The following OR10D3 variants were observed in gnomAD, a reference collection of about 807,000 sequenced individuals.
The protein encoded by OR10D3 is olfactory receptor 10D3.
For missense variants in OR10D3, 286 were observed against 153.7 expected (o/e 1.86, Z -4.55); for synonymous variants, 100 against 57.6 (o/e 1.74, Z -3.33).
At chr11:124,186,030 C>G in exon 2 of OR10D3, 1 of 703,446 alleles carries the variant, frequency 1.4e-6, no homozygotes, top group African/African-American at 1.7e-5. Context: ...GCCTATGGGC[C>G]CATCATCACT....
At chr11:124,183,651 G>A (rs563965301) in intron 1 of OR10D3, among the ~76,000 whole-genome samples, 7 of 143,312 alleles carry the variant, frequency 4.9e-5, no homozygotes, top group Non-Finnish European at 7.5e-5. Context: ...TCCACCTCCC[G>A]GGTTCAAGCA....
At chr11:124,184,905 AAAT>A (rs1861202128) in intron 1 of OR10D3, among the ~76,000 whole-genome samples, 1 of 152,200 alleles carries the variant, frequency 6.6e-6, no homozygotes, top group Admixed American at 6.5e-5. Flanking sequence ...AAAAGCCCTC[AAAT>A]AATCCTGACA....
At chr11:124,183,603 G>A (rs1031468814) in intron 1 of OR10D3, among the ~76,000 whole-genome samples, 1 of 127,886 alleles carries the variant, frequency 7.8e-6, no homozygotes, top group Admixed American at 8.7e-5. Context: ...TGTTGGCCAG[G>A]CTGAAGTGCA....
exon 2 of OR10D3, chr11:124,185,716 G>T (rs1230434691): frequency 1.4e-6 from 1 of 703,454 alleles, no homozygotes; most frequent in African/African-American, 1.7e-5. Flanking sequence ...TGGGCACATG[G>T]CTGTTAGGGT....
chr11:124,185,574 T>A, exon 2 of OR10D3: 1 of 703,558 alleles, frequency 1.4e-6, no homozygotes, highest in Non-Finnish European at 2.6e-6. Context: ...TGCCAGCTTT[T>A]CTTCTTCCAT....
In OR10D3 at chr11:124,185,996, GCTCACCTCATT is replaced by G; in HGVS notation, c.728_738del (p.Ala243GlyfsTer47). On this transcript the variant is annotated frameshift_variant, in exon 2 of 2. Transcript: ENST00000641351. LOFTEE classifies it low-confidence loss of function (END_TRUNC). ...TCGCCGTGCCTTCTCCACCTGCAGTGCTCACCTCATTGCCATCCTCTGTGCCTATGGGCCCA... is the reference window on the plus strand; with the variant it reads ...TCGCCGTGCCTTCTCCACCTGCAGTGGCCATCCTCTGTGCCTATGGGCCCA... 1.4e-6 allele frequency: 1 copy of G among 703,414 alleles called. No homozygotes were observed. Among genetic ancestry groups the G allele is most frequent in the Non-Finnish European group, 2.6e-6 (1 of 385,042 alleles). The allele number at this position is 703,414 out of a possible 1,614,324, so 43.6% of individuals were successfully genotyped here.
chr11:124,185,936 A>G (rs370324216), exon 2 of OR10D3: 5 of 703,078 alleles, frequency 7.1e-6, no homozygotes, highest in South Asian at 3.0e-5. Flanking sequence ...TAGAATCACA[A>G]TATCTATCTT....
exon 2 of OR10D3, chr11:124,186,284 A>G (rs920178470): frequency 1.6e-6 from 1 of 620,002 alleles, no homozygotes; most frequent in Non-Finnish European, 2.9e-6. Flanking sequence ...TGGAATCTTC[A>G]TATGTGACAA....
intron 1 of OR10D3, among the ~76,000 whole-genome samples, chr11:124,184,949 C>T (rs1861202709): frequency 6.6e-6 from 1 of 152,186 alleles, no homozygotes; most frequent in African/African-American, 2.4e-5. Context: ...GGAGGAGGAG[C>T]ATGTGTTTGG....
chr11:124,185,429 C>T (rs199900694), exon 2 of OR10D3: 34 of 702,968 alleles, frequency 4.8e-5, no homozygotes, highest in Admixed American at 3.8e-4. Flanking sequence ...GTCTTCTGCT[C>T]GCCTTCACAC....
chr11:124,184,225 T>C (rs1359222455), intron 1 of OR10D3: 1 of 152,222 alleles, frequency 6.6e-6, no homozygotes, highest in East Asian at 1.9e-4. Context: ...GAAATTACTA[T>C]CTGATAGTAC....
chr11:124,187,749 T>C (rs943075557), exon 2 of OR10D3: 1 of 152,242 alleles, frequency 6.6e-6, no homozygotes, highest in African/African-American at 2.4e-5. Flanking sequence ...CACTCATTTG[T>C]GCCTTAAATT....
Position 124,183,402 on chromosome 11 carries a change from A to G in OR10D3, c.-12+19A>G, listed in dbSNP as rs1379583386. Reference sequence around the variant, plus strand: ...TCTCTTTGTAAGTTACATAAGTGCCATCTTTGCCTCTTTCTCTCTCTTTCT... The same window carrying G: ...TCTCTTTGTAAGTTACATAAGTGCCGTCTTTGCCTCTTTCTCTCTCTTTCT... On this transcript the variant is annotated intron_variant, in intron 1 of 1. Transcript: ENST00000641351. 1 of 141,642 alleles carries G rather than the reference A, an allele frequency of 7.1e-6. No individual in the cohort carries two copies. The highest frequency in any genetic ancestry group is 2.1e-4 in the East Asian group (1 of 4,660). The allele number at this position is 141,642 out of a possible 1,614,324, so 8.8% of individuals were successfully genotyped here. A position where few individuals can be genotyped will look rare whatever the true frequency, so the allele number is the denominator to read the frequency against.
chr11:124,184,792 T>C (rs1203537456), intron 1 of OR10D3, among the ~76,000 whole-genome samples: 1 of 152,242 alleles, frequency 6.6e-6, no homozygotes, highest in African/African-American at 2.4e-5. Context: ...TCAACCTTTA[T>C]GATTCCCTTA....
exon 2 of OR10D3, chr11:124,185,870 A>G (rs1319272703): frequency 1.4e-6 from 1 of 703,262 alleles, no homozygotes; most frequent in Non-Finnish European, 2.6e-6. Context: ...GGTGAGCTTC[A>G]CCAACGTTGG....
exon 2 of OR10D3, chr11:124,188,629 T>TA (rs1684837808): frequency 6.6e-6 from 1 of 152,200 alleles, no homozygotes; most frequent in African/African-American, 2.4e-5. Flanking sequence ...TAAGGATTCA[T>TA]AGAGACATCT....
At position 124,185,912 on chromosome 11, in the gene OR10D3, CT is replaced by C. The variant is rs1861219421; in HGVS notation, c.647del (p.Leu216TyrfsTer11). ...ATCTCTTGTCTGCTTTCTGCTAATT[CT>C]TTTATCCTACACTAGAATCACAATA... On this transcript the variant is annotated frameshift_variant, in exon 2 of 2. Coordinates refer to ENST00000641351, the Ensembl canonical transcript of OR10D3. LOFTEE classifies it low-confidence loss of function (END_TRUNC). The C allele has an allele frequency of 2.8e-6, 2 of 703,252 alleles. No individual in the cohort carries two copies. The highest frequency in any genetic ancestry group is 5.4e-5 in the East Asian group (2 of 37,288). The allele number at this position is 703,252 out of a possible 1,614,324, so 43.6% of individuals were successfully genotyped here.
chr11:124,185,805 G>C (rs1180651762), exon 2 of OR10D3: 1 of 703,556 alleles, frequency 1.4e-6, no homozygotes, highest in Non-Finnish European at 2.6e-6. Context: ...CACTTCTTCT[G>C]TGACATTCCA....
At chr11:124,185,325 A>G (rs1170970497) in exon 2 of OR10D3, 1 of 703,298 alleles carries the variant, frequency 1.4e-6, no homozygotes, top group Non-Finnish European at 2.6e-6. Flanking sequence ...GGAATCCCAC[A>G]CACAGAGGGG....
Sources: gnomAD v4.1 joint callset for allele counts (sites outside exome capture counted in the v4.1 genomes callset) on GRCh38, gnomAD v4.1.1 for gene constraint, MANE v1.5 for transcripts, NCBI Gene and HGNC (gene_info 2026-07-23, HGNC 2026-07-21) for gene names.